SLC1A3: variants seen among roughly 807,000 people sequenced by gnomAD.
SLC1A3 encodes the protein excitatory amino acid transporter 1.
SLC1A3 carries 21 observed loss-of-function variants against 48.1 expected under a neutral mutation model. That is an observed-to-expected ratio of 0.44 (90% CI 0.31 to 0.63). SLC1A3 has a LOEUF of 0.63. Ranked by LOEUF, SLC1A3 falls within the 20% of genes least tolerant of loss-of-function variation. The pLI, the probability that SLC1A3 is intolerant of heterozygous loss-of-function variation, is 0.08. For synonymous variants in SLC1A3, 239 were observed against 251.4 expected, an observed-to-expected ratio of 0.95 and a Z score of 0.47; for missense variants, 546 against 689.0, an observed-to-expected ratio of 0.79 and a Z score of 2.32.
intron 1 of SLC1A3, among the ~76,000 whole-genome samples, chr5:36,598,200 C>A (rs926302877): frequency 6.6e-6 from 1 of 152,202 alleles, no homozygotes; most frequent in African/African-American, 2.4e-5. Flanking sequence ...CAGCTCCTGA[C>A]CTTGGCAGTT....
At chr5:36,605,750 T>C (rs1293804162), upstream of SLC1A3, among the ~76,000 whole-genome samples, 1 of 152,196 alleles carries the variant, frequency 6.6e-6, no homozygotes, top group Non-Finnish European at 1.5e-5. Flanking sequence ...TTTTCACAAT[T>C]TATTTTTCTT....
chr5:36,674,144 A>G, intron 5 of SLC1A3, 53 bp downstream of exon 5: 1 of 1,384,526 alleles, frequency 7.2e-7, no homozygotes, highest in South Asian at 1.2e-5. Context: ...TTTCTATACC[A>G]AACCAAGTGG....
chr5:36,660,749 T>C (rs1157726924), intron 3 of SLC1A3, among the ~76,000 whole-genome samples: 1 of 152,244 alleles, frequency 6.6e-6, no homozygotes, highest in African/African-American at 2.4e-5. Context: ...TTATAGGAAC[T>C]ATTCTTTTAG....
chr5:36,643,820 A>G (rs369708), intron 3 of SLC1A3, among the ~76,000 whole-genome samples: 152,009 of 152,070 alleles, frequency 1, 75,974 homozygotes, highest in Middle Eastern at 1. Context: ...TGGTAAAACC[A>G]AGTCTCTACT....
intron 3 of SLC1A3, among the ~76,000 whole-genome samples, chr5:36,663,919 G>A (rs575097877): frequency 3.9e-5 from 6 of 152,264 alleles, no homozygotes; most frequent in African/African-American, 1.4e-4. Flanking sequence ...AAAATTCCGT[G>A]AAGTGAACCT....
rs1742408821 is a variant in SLC1A3 at position 36,680,727 on chromosome 5, G to A, written c.1289+138G>A. ...GAGGCCAGGAGTTCAAGACTAGCCT[G>A]GCAACATAGTGAAACCCTGTCTCCA... On this transcript the variant is annotated intron_variant, in intron 8 of 9. Transcript: ENST00000265113. The A allele has an allele frequency of 4.0e-6, 3 of 741,374 alleles. No homozygotes were observed. The South Asian group carries it at 4.3e-5, about 11-fold the overall frequency. 45.9% of individuals were successfully genotyped at this position (741,374 alleles called of 1,614,324 possible).
In SLC1A3 at chr5:36,609,195, T is replaced by A. The variant is rs1230668182; in HGVS notation, c.181+591T>A. The A allele has an allele frequency of 5.1e-6, 5 of 982,542 alleles. No homozygotes were observed. The South Asian group carries it at 1.9e-4, about 37-fold the overall frequency. The allele number at this position is 982,542 out of a possible 1,614,324, so 60.9% of individuals were successfully genotyped here. A position where few individuals can be genotyped will look rare whatever the true frequency, so the allele number is the denominator to read the frequency against. On this transcript the variant is annotated intron_variant, in intron 2 of 9. Coordinates refer to ENST00000265113, the MANE Select transcript of SLC1A3 (RefSeq NM_004172.5). ...CTTTGCAGAGCCTGCCATAACCAGC[T>A]ATACCTTTTTTTGAATCATTTCCAT...
intron 2 of SLC1A3, among the ~76,000 whole-genome samples, chr5:36,611,781 G>A (rs1324343861): frequency 2.6e-5 from 4 of 152,066 alleles, no homozygotes; most frequent in African/African-American, 7.2e-5. Context: ...CCTTTGGACT[G>A]TGGTAAGTTG....
chr5:36,652,107 A>G (rs1199254518), intron 3 of SLC1A3, among the ~76,000 whole-genome samples: 1 of 152,164 alleles, frequency 6.6e-6, no homozygotes, highest in African/African-American at 2.4e-5. Context: ...CACTGATTCA[A>G]TCCTTCAGCT....
At chr5:36,660,307 G>GT (rs1741452436) in intron 3 of SLC1A3, among the ~76,000 whole-genome samples, 1 of 152,052 alleles carries the variant, frequency 6.6e-6, no homozygotes, top group African/African-American at 2.4e-5. Flanking sequence ...GATAAGTGAA[G>GT]TTTGCTATAA....
chr5:36,642,289 T>C (rs1740645208), intron 3 of SLC1A3, among the ~76,000 whole-genome samples: 1 of 152,156 alleles, frequency 6.6e-6, no homozygotes, highest in Admixed American at 6.5e-5. Flanking sequence ...TGTCTGAAAG[T>C]GCTGTGTACA....
intron 3 of SLC1A3, among the ~76,000 whole-genome samples, chr5:36,644,129 G>A (rs923334583): frequency 7.2e-5 from 11 of 151,736 alleles, no homozygotes; most frequent in Admixed American, 4.6e-4. Context: ...GAAGTAAAAC[G>A]TCTCCCCCCA....
chr5:36,676,631 T>C (rs150731837), intron 5 of SLC1A3, among the ~76,000 whole-genome samples: 4 of 137,282 alleles, frequency 2.9e-5, no homozygotes, highest in East Asian at 4.4e-4. Context: ...TCATTTGTTA[T>C]GTATTTGAGT....
At chr5:36,666,758 T>C (rs984002283) in intron 3 of SLC1A3, among the ~76,000 whole-genome samples, 2 of 152,224 alleles carry the variant, frequency 1.3e-5, no homozygotes, top group African/African-American at 2.4e-5. Flanking sequence ...TTAATTATTA[T>C]ACCATAAGAG....
At chr5:36,601,542 G>C (rs1440757208), upstream of SLC1A3, among the ~76,000 whole-genome samples, 1 of 152,190 alleles carries the variant, frequency 6.6e-6, no homozygotes, top group Non-Finnish European at 1.5e-5. Flanking sequence ...CAGAGATCCA[G>C]GTTTGAAACC....
At chr5:36,601,860 A>T (rs1738812486), upstream of SLC1A3, among the ~76,000 whole-genome samples, 2 of 151,846 alleles carry the variant, frequency 1.3e-5, no homozygotes, top group African/African-American at 4.8e-5. Context: ...TTGGAAATGG[A>T]CTGATGAACC....
chr5:36,623,485 A>G (rs1739769002), intron 2 of SLC1A3, among the ~76,000 whole-genome samples: 1 of 152,158 alleles, frequency 6.6e-6, no homozygotes, highest in South Asian at 2.1e-4. Flanking sequence ...CTTTGGGACT[A>G]TCAATCAATG....
At chr5:36,616,225 CAGTGCTATCAAGATTGCCT>C (rs1739426628) in intron 2 of SLC1A3, among the ~76,000 whole-genome samples, 1 of 152,108 alleles carries the variant, frequency 6.6e-6, no homozygotes, top group Non-Finnish European at 1.5e-5. Flanking sequence ...TGTCAAGCTT[CAGTGCTATCAAGATTGCCT>C]AGAGCTTATT....
chr5:36,640,425 C>T lies in SLC1A3; in HGVS notation c.319+10838C>T, dbSNP rs186875084. ...ATCAACTTCTATACTACCAGTGTAA[C>T]ACTCTTCTCAACCGGACTGCCTCAT... On this transcript the variant is annotated intron_variant, in intron 3 of 9. Coordinates refer to ENST00000265113, the MANE Select transcript of SLC1A3 (RefSeq NM_004172.5). Among the ~76,000 whole-genome samples, 6 of 152,352 alleles carry T rather than the reference C, an allele frequency of 3.9e-5. No individual in the cohort carries two copies. In the East Asian group the frequency reaches 9.6e-4, roughly 24 times the overall value.
Sources: allele counts gnomAD v4.1 joint callset (sites outside exome capture counted in the v4.1 genomes callset), GRCh38; gene constraint gnomAD v4.1.1; transcripts MANE v1.5; gene names NCBI Gene and HGNC (gene_info 2026-07-23, HGNC 2026-07-21).